The following PRELID2 variants were observed in gnomAD, a reference collection of about 807,000 sequenced individuals.
PRELID2 encodes PRELI domain containing 2, also known as PRELI domain-containing protein 2.
In PRELID2, 25 loss-of-function variants were observed where a neutral mutation model predicts 28.4. That is an observed-to-expected ratio of 0.88 (90% confidence interval 0.64 to 1.23). PRELID2 has a LOEUF of 1.23. PRELID2 is among the 50% of genes most tolerant of loss of function. The pLI is 0.00. For missense variants in PRELID2, 201 were observed against 214.4 expected (o/e 0.94, Z 0.39); for synonymous variants, 76 against 71.6 (o/e 1.06, Z -0.31).
the PRELID2 span, among the ~76,000 whole-genome samples, chr5:145,447,518 T>C: frequency 6.9e-6 from 1 of 144,512 alleles, no homozygotes; most frequent in Admixed American, 7.0e-5. Flanking sequence ...ATGTGCATAT[T>C]GTGCAGGTTA....
intron 1 of PRELID2, among the ~76,000 whole-genome samples, chr5:145,743,554 A>G (rs988405828): frequency 6.6e-6 from 1 of 152,076 alleles, no homozygotes; most frequent in East Asian, 1.9e-4. Flanking sequence ...AGAGCAAGGA[A>G]GAGCAGGGTG....
chr5:145,476,102 C>A (rs1032699057), intron 1 of PRELID2, among the ~76,000 whole-genome samples: 6 of 152,094 alleles, frequency 3.9e-5, no homozygotes, highest in African/African-American at 1.2e-4. Flanking sequence ...AAGGACTCTA[C>A]CAAAAAGACT....
intron 1 of PRELID2, among the ~76,000 whole-genome samples, chr5:145,714,469 C>A (rs892845405): frequency 2.6e-5 from 4 of 152,008 alleles, no homozygotes; most frequent in Non-Finnish European, 5.9e-5. Flanking sequence ...AAATAAGAAT[C>A]AAATCGTTTT....
chr5:145,619,695 G>T (rs147258695), intron 1 of PRELID2, among the ~76,000 whole-genome samples: 1,576 of 152,238 alleles, frequency 0.01, 9 homozygotes, highest in Middle Eastern at 0.027. Context: ...ATCTGAGTTG[G>T]AGCTGCAATC....
At chr5:145,597,529 A>C (rs988208566) in intron 1 of PRELID2, among the ~76,000 whole-genome samples, 1 of 152,188 alleles carries the variant, frequency 6.6e-6, no homozygotes, top group Admixed American at 6.5e-5. Flanking sequence ...TGAACAATAC[A>C]ATACTGCCAA....
At chr5:145,499,342 C>A (rs563956712) in intron 1 of PRELID2, among the ~76,000 whole-genome samples, 1 of 152,334 alleles carries the variant, frequency 6.6e-6, no homozygotes, top group South Asian at 2.1e-4. Flanking sequence ...AAGGATATCA[C>A]AAATAGTTAT....
chr5:145,539,285 G>A (rs553309780), intron 1 of PRELID2, among the ~76,000 whole-genome samples: 28 of 152,136 alleles, frequency 1.8e-4, no homozygotes, highest in Admixed American at 6.6e-5. Context: ...TTCAGTACCT[G>A]AACAACTGAC....
chr5:145,533,013 T>C (rs796325419), intron 1 of PRELID2, among the ~76,000 whole-genome samples: 3 of 152,266 alleles, frequency 2.0e-5, no homozygotes, highest in South Asian at 2.1e-4. Context: ...GGTAATTCTA[T>C]ATTTAATTGT....
chr5:145,775,666 A>G (rs1300952882), intron 5 of PRELID2, among the ~76,000 whole-genome samples: 1 of 152,220 alleles, frequency 6.6e-6, no homozygotes, highest in African/African-American at 2.4e-5. Context: ...AGGGCCCTTC[A>G]CTTCCCACTA....
At chr5:145,447,770 T>C in the PRELID2 span, among the ~76,000 whole-genome samples, 1 of 126,358 alleles carries the variant, frequency 7.9e-6, no homozygotes, top group Non-Finnish European at 1.7e-5. Flanking sequence ...TGATTTCCAA[T>C]TTCATCCATG....
At chr5:145,705,830 C>T (rs896320457) in intron 1 of PRELID2, among the ~76,000 whole-genome samples, 4 of 151,854 alleles carry the variant, frequency 2.6e-5, no homozygotes, top group Non-Finnish European at 5.9e-5. Context: ...TTTTACATGT[C>T]ACCAAATAAT....
chr5:145,261,073 T>C, the PRELID2 span, among the ~76,000 whole-genome samples: 2 of 152,142 alleles, frequency 1.3e-5, no homozygotes, highest in Non-Finnish European at 2.9e-5. Context: ...GTGACCTATA[T>C]GATGCAGCAG....
chr5:145,397,516 G>A, the PRELID2 span, among the ~76,000 whole-genome samples: 1 of 152,278 alleles, frequency 6.6e-6, no homozygotes, highest in South Asian at 2.1e-4. Context: ...ATTGCATCTT[G>A]CATCTTGCAA....
chr5:145,432,698 G>A, the PRELID2 span, among the ~76,000 whole-genome samples: 1 of 151,998 alleles, frequency 6.6e-6, no homozygotes, highest in Non-Finnish European at 1.5e-5. Context: ...AATAATTTTG[G>A]TGTGAAAAGG....
chr5:145,823,656 T>G (rs1754981728), intron 1 of PRELID2, among the ~76,000 whole-genome samples: 1 of 152,212 alleles, frequency 6.6e-6, no homozygotes, highest in South Asian at 2.1e-4. Flanking sequence ...AGAGTGGACC[T>G]CTTCACTGTG....
chr5:145,545,843 CT>C (rs1272838789), intron 1 of PRELID2, among the ~76,000 whole-genome samples: 1 of 152,226 alleles, frequency 6.6e-6, no homozygotes, highest in East Asian at 1.9e-4. Flanking sequence ...TGGTAAATAA[CT>C]TTTTTTAACA....
Position 145,796,518 on chromosome 5 carries a change from G to T in PRELID2, c.398C>A (p.Ser133Ter). 1 of 1,607,656 alleles carries T rather than the reference G, an allele frequency of 6.2e-7. No individual in the cohort carries two copies. Among genetic ancestry groups the T allele is most frequent in the Non-Finnish European group, 8.5e-7 (1 of 1,176,606 alleles). Reference protein sequence around the residue: ...WTEFIQRGRISITGVGFLNCV... With the variant: ...WTEFIQRGRI ...GTTGAGAAATCCAACCCCTGTGATT[G>T]AAATCCTGCCTCTTTGAATGAACTC... Residue 133 changes from serine (S) to a stop codon, truncating the protein, a stop_gained, in exon 5 of 7, where the codon TCA (serine) becomes TAA (stop). Coordinates refer to ENST00000683046, the MANE Select transcript of PRELID2 (RefSeq NM_205846.3). LOFTEE classifies it high-confidence loss of function.
the PRELID2 span, among the ~76,000 whole-genome samples, chr5:145,375,649 G>T: frequency 6.6e-6 from 1 of 152,186 alleles, no homozygotes; most frequent in Non-Finnish European, 1.5e-5. Context: ...GGAGATCTGG[G>T]TTCTGTCCCT....
the PRELID2 span, among the ~76,000 whole-genome samples, chr5:145,420,478 T>C: frequency 6.8e-6 from 1 of 147,970 alleles, no homozygotes; most frequent in South Asian, 2.3e-4. Context: ...CTAGGTATTT[T>C]ATTCTCTTTG....
Sources: allele counts gnomAD v4.1 joint callset (sites outside exome capture counted in the v4.1 genomes callset), GRCh38; gene constraint gnomAD v4.1.1; transcripts MANE v1.5; gene names NCBI Gene and HGNC (gene_info 2026-07-23, HGNC 2026-07-21).